The following DCHS2 variants were observed in gnomAD, a reference collection of about 807,000 sequenced individuals.
The protein encoded by DCHS2 is dachsous cadherin-related 2, also known as protocadherin-23.
DCHS2 carries 142 observed loss-of-function variants against 182.4 expected under a neutral mutation model. That is an observed-to-expected ratio of 0.78 (90% CI 0.68 to 0.89). DCHS2 has a LOEUF of 0.89. DCHS2 is among the 40% of genes least tolerant of loss of function. The pLI is 0.00. For synonymous variants in DCHS2, 1,740 were observed against 1,663.3 expected (o/e 1.05, Z -1.12); for missense variants, 4,319 against 4,198.6 (o/e 1.03, Z -0.79).
intron 16 of DCHS2, among the ~76,000 whole-genome samples, chr4:154,249,125 G>T (rs2111130973): frequency 6.6e-6 from 1 of 152,188 alleles, no homozygotes; most frequent in East Asian, 1.9e-4. Flanking sequence ...CACAATAAAA[G>T]AAATAATCAG....
intron 1 of DCHS2, among the ~76,000 whole-genome samples, chr4:154,405,101 T>C (rs968707300): frequency 2.0e-5 from 3 of 151,738 alleles, no homozygotes; most frequent in Non-Finnish European, 4.4e-5. Context: ...ACAAAAAAAA[T>C]TAGCCAGGCC....
intron 1 of DCHS2, chr4:154,486,441 A>G (rs1328194424): frequency 1.5e-6 from 2 of 1,304,752 alleles, no homozygotes; most frequent in African/African-American, 3.0e-5. Flanking sequence ...CTTACAGGAA[A>G]TCTAGGCAAG....
chr4:154,458,829 T>C (rs954498385), intron 1 of DCHS2, among the ~76,000 whole-genome samples: 2 of 152,220 alleles, frequency 1.3e-5, no homozygotes, highest in African/African-American at 4.8e-5. Flanking sequence ...GTTCAAATAC[T>C]GTCCTCTAAG....
At chr4:154,305,016 A>G (rs1387747637) in intron 11 of DCHS2, 81 bp downstream of exon 11, 36 of 1,506,904 alleles carry the variant, frequency 2.4e-5, no homozygotes, top group Non-Finnish European at 3.0e-5. Context: ...CCAACAAAAT[A>G]TAACATTTCA....
At chr4:154,276,373 C>A (rs1026230729) in intron 13 of DCHS2, among the ~76,000 whole-genome samples, 1 of 151,860 alleles carries the variant, frequency 6.6e-6, no homozygotes, top group African/African-American at 2.4e-5. Flanking sequence ...AAACTCTGAC[C>A]GCTCACAGCA....
At chr4:154,427,067 T>C (rs1244043053) in intron 1 of DCHS2, among the ~76,000 whole-genome samples, 2 of 152,228 alleles carry the variant, frequency 1.3e-5, no homozygotes, top group Non-Finnish European at 2.9e-5. Flanking sequence ...AGGTGATGGA[T>C]AGGCTAAACA....
chr4:154,429,752 C>T (rs1284676172), intron 1 of DCHS2, among the ~76,000 whole-genome samples: 1 of 151,514 alleles, frequency 6.6e-6, no homozygotes, highest in Non-Finnish European at 1.5e-5. Flanking sequence ...AATTTCAAAA[C>T]TTCTCTTCTG....
intron 2 of DCHS2, among the ~76,000 whole-genome samples, chr4:154,375,895 A>G (rs1355700795): frequency 6.6e-6 from 1 of 152,218 alleles, no homozygotes; most frequent in Non-Finnish European, 1.5e-5. Flanking sequence ...CTATAAGCCA[A>G]TGAGAATGAG....
chr4:154,338,234 C>T (rs1297443201), intron 3 of DCHS2, among the ~76,000 whole-genome samples: 3 of 151,928 alleles, frequency 2.0e-5, no homozygotes, highest in Non-Finnish European at 2.9e-5. Flanking sequence ...CATTAGTTTA[C>T]TGAATGATTT....
At chr4:154,396,933 T>C (rs1731951878) in intron 1 of DCHS2, among the ~76,000 whole-genome samples, 1 of 152,192 alleles carries the variant, frequency 6.6e-6, no homozygotes, top group Non-Finnish European at 1.5e-5. Context: ...TTTACTTATA[T>C]ATCCTAAACC....
chr4:154,257,303 G>A (rs925798619), intron 15 of DCHS2, among the ~76,000 whole-genome samples: 2 of 152,172 alleles, frequency 1.3e-5, no homozygotes, highest in African/African-American at 4.8e-5. Context: ...ATGGTTCTAG[G>A]GTACCGGCAC....
At chr4:154,396,784 T>C (rs1029090933) in intron 1 of DCHS2, among the ~76,000 whole-genome samples, 1 of 152,182 alleles carries the variant, frequency 6.6e-6, no homozygotes, top group Non-Finnish European at 1.5e-5. Flanking sequence ...ATTCATTTAT[T>C]TGAATACAAA....
intron 1 of DCHS2, among the ~76,000 whole-genome samples, chr4:154,450,687 G>T (rs745667952): frequency 4.6e-5 from 7 of 152,064 alleles, no homozygotes; most frequent in Admixed American, 3.9e-4. Context: ...ACAAAAATTA[G>T]CCAGGCATAG....
At chr4:154,354,799 C>T (rs921429258) in intron 3 of DCHS2, 15 of 152,160 alleles carry the variant, frequency 9.9e-5, no homozygotes, top group Non-Finnish European at 1.8e-4. Context: ...ATACTCTCTA[C>T]GTCAGACATG....
intron 1 of DCHS2, among the ~76,000 whole-genome samples, chr4:154,428,563 A>G (rs966269675): frequency 3.3e-5 from 5 of 152,046 alleles, no homozygotes; most frequent in African/African-American, 1.2e-4. Context: ...AAGAACAAAG[A>G]AACAAAACAT....
intron 13 of DCHS2, among the ~76,000 whole-genome samples, chr4:154,273,016 A>G (rs575922603): frequency 1.6e-4 from 24 of 152,250 alleles, no homozygotes; most frequent in African/African-American, 5.3e-4. Flanking sequence ...AACTAGTACG[A>G]CGACTATGGA....
At chr4:154,374,248 T>C in intron 2 of DCHS2, 2 of 367,202 alleles carry the variant, frequency 5.4e-6, no homozygotes, top group Middle Eastern at 5.4e-4. Flanking sequence ...CACCAAAACC[T>C]GGAAACTAGT....
At chr4:154,326,848 T>TC (rs1489618135) in intron 7 of DCHS2, among the ~76,000 whole-genome samples, 1 of 152,178 alleles carries the variant, frequency 6.6e-6, no homozygotes, top group East Asian at 1.9e-4. Context: ...GGACATTGTC[T>TC]TAGTTATTCC....
At chr4:154,259,889 C>A in intron 14 of DCHS2, 133 bp from the exon 15 acceptor site, 2 of 1,052,874 alleles carry the variant, frequency 1.9e-6, no homozygotes, top group Non-Finnish European at 2.6e-6. Flanking sequence ...GTGGTGAAAT[C>A]TCGGCTCACT....
Sources: allele counts gnomAD v4.1 joint callset (sites outside exome capture counted in the v4.1 genomes callset), GRCh38; gene constraint gnomAD v4.1.1; transcripts MANE v1.5; gene names NCBI Gene and HGNC (gene_info 2026-07-23, HGNC 2026-07-21).